ZMPSTE24: variants seen among roughly 807,000 people sequenced by gnomAD.
The protein encoded by ZMPSTE24 is CAAX prenyl protease 1 homolog.
In ZMPSTE24, 48 loss-of-function variants were observed where a neutral mutation model predicts 56.7. That is an observed-to-expected ratio of 0.85 (90% confidence interval 0.67 to 1.08). The LOEUF is 1.08. Ranked by LOEUF, ZMPSTE24 falls within the 50% of genes least tolerant of loss-of-function variation. The pLI is 0.00. For missense variants in ZMPSTE24, 503 were observed against 548.7 expected (o/e 0.92, Z 0.83); for synonymous variants, 172 against 195.2 (o/e 0.88, Z 0.99).
chr1:40,283,981 C>T (rs1195456355), intron 7 of ZMPSTE24, among the ~76,000 whole-genome samples: 4 of 150,338 alleles, frequency 2.7e-5, no homozygotes, highest in South Asian at 2.1e-4. Flanking sequence ...CCCTCTCGCC[C>T]AGGCTGGAGT....
intron 6 of ZMPSTE24, among the ~76,000 whole-genome samples, chr1:40,280,240 A>G (rs566422865): frequency 6.6e-6 from 1 of 152,104 alleles, no homozygotes; most frequent in Non-Finnish European, 1.5e-5. Flanking sequence ...TCAACTTCCG[A>G]TGGCCTGCCA....
chr1:40,285,500 A>C (rs1643777773), intron 7 of ZMPSTE24, among the ~76,000 whole-genome samples: 1 of 152,242 alleles, frequency 6.6e-6, no homozygotes, highest in Admixed American at 6.5e-5. Flanking sequence ...TCGGTTTCCC[A>C]AAGTGTTGAG....
At chr1:40,280,379 C>T (rs143825774) in intron 6 of ZMPSTE24, among the ~76,000 whole-genome samples, 6,894 of 152,062 alleles carry the variant, frequency 0.045, 503 homozygotes, top group African/African-American at 0.16. Context: ...TGCTGCTTTA[C>T]GACCCATTTT....
At chr1:40,284,302 C>G (rs1291816557) in intron 7 of ZMPSTE24, among the ~76,000 whole-genome samples, 1 of 151,772 alleles carries the variant, frequency 6.6e-6, no homozygotes, top group African/African-American at 2.4e-5. Context: ...CAATTTACAG[C>G]ATTTCGTTAC....
chr1:40,278,720 T>A (rs577655494), intron 6 of ZMPSTE24, among the ~76,000 whole-genome samples: 9 of 152,168 alleles, frequency 5.9e-5, no homozygotes, highest in Non-Finnish European at 1.2e-4. Context: ...AGAGCCAAGA[T>A]TTGAACCCAA....
rs988908918 is a variant in ZMPSTE24, at chr1:40,268,401, G to A, written c.358-18G>A. On this transcript the variant is annotated intron_variant, in intron 3 of 9. Coordinates refer to ENST00000372759, the MANE Select transcript of ZMPSTE24 (RefSeq NM_005857.5). ...AGTAGTTCATAAAAACTGGATTTTT[G>A]TTTTTTCTTTTGTTTAGATCACTCA... The A allele has an allele frequency of 8.8e-6, 14 of 1,584,280 alleles. No individual in the cohort carries two copies. Among genetic ancestry groups the A allele is most frequent in the Non-Finnish European group, 1.2e-5 (14 of 1,157,418 alleles).
intron 2 of ZMPSTE24, among the ~76,000 whole-genome samples, chr1:40,266,761 GTTT>G (rs3075102): frequency 1.1e-5 from 1 of 88,114 alleles, no homozygotes. Context: ...TTTCGAACAA[GTTT>G]TTTTTTTTTT....
At chr1:40,282,599 C>T (rs988942025) in intron 7 of ZMPSTE24, among the ~76,000 whole-genome samples, 1 of 152,232 alleles carries the variant, frequency 6.6e-6, no homozygotes, top group Non-Finnish European at 1.5e-5. Context: ...GCCTTGGCCT[C>T]CCAAAGTGCT....
chr1:40,284,081 G>A (rs1643758473), intron 7 of ZMPSTE24, among the ~76,000 whole-genome samples: 2 of 147,550 alleles, frequency 1.4e-5, no homozygotes. Context: ...GATTACAGGT[G>A]TGCACCAGCA....
At position 40,277,208 on chromosome 1, in the gene ZMPSTE24, C is replaced by T. The variant is rs1248513334; in HGVS notation, c.770-4135C>T. 2.6e-5 allele frequency among the ~76,000 whole-genome samples: 4 copies of T among 151,950 alleles called. No homozygotes were observed. In the East Asian group the frequency reaches 5.8e-4, roughly 22 times the overall value. ...TCACACCATTCTCCTGCCTCAGCCT[C>T]CTGAGTAGCTGGGACTACAGGCGCC... On this transcript the variant is annotated intron_variant, in intron 6 of 9. Coordinates refer to ENST00000372759, the MANE Select transcript of ZMPSTE24 (RefSeq NM_005857.5).
chr1:40,261,769 G>T (rs1056971257), intron 2 of ZMPSTE24, among the ~76,000 whole-genome samples: 6 of 152,064 alleles, frequency 3.9e-5, no homozygotes, highest in Non-Finnish European at 8.8e-5. Flanking sequence ...GAGTGCAGTC[G>T]CACGATCTTG....
chr1:40,292,862 A>T lies in ZMPSTE24; in HGVS notation c.*193A>T. The T allele has an allele frequency of 1.9e-6, 1 of 519,926 alleles. No homozygotes were observed. Among genetic ancestry groups the T allele is most frequent in the Admixed American group, 3.5e-5 (1 of 28,600 alleles). The allele number at this position is 519,926 out of a possible 1,614,324, so 32.2% of individuals were successfully genotyped here. ...TTCTTAAAACACTGAATGAATTTTGAAGCTTAATGTTTTTAAAGGCATAGT... is the reference window on the plus strand; with the variant it reads ...TTCTTAAAACACTGAATGAATTTTGTAGCTTAATGTTTTTAAAGGCATAGT... On this transcript the variant is annotated 3_prime_UTR_variant, in exon 10 of 10. Coordinates refer to ENST00000372759, the MANE Select transcript of ZMPSTE24 (RefSeq NM_005857.5).
intron 7 of ZMPSTE24, among the ~76,000 whole-genome samples, chr1:40,283,939 C>CTT (rs754673107): frequency 7.5e-5 from 10 of 133,130 alleles, no homozygotes; most frequent in East Asian, 2.1e-4. Flanking sequence ...AACTTTCTTT[C>CTT]TTTTTTTTTT....
chr1:40,259,879 A>G (rs1046736928), intron 1 of ZMPSTE24, among the ~76,000 whole-genome samples: 3 of 152,048 alleles, frequency 2.0e-5, no homozygotes, highest in African/African-American at 7.2e-5. Context: ...GATTACAGGC[A>G]TGAGCCACCG....
rs1288528801 is a variant in ZMPSTE24, at chr1:40,294,178, G to C, written c.*1509G>C. ...AACATTAAACATTGCCAACGCAAAT[G>C]TATGTACTTTGTCTTTAGTTTGATA... On this transcript the variant is annotated 3_prime_UTR_variant, in exon 10 of 10. Coordinates refer to ENST00000372759, the MANE Select transcript of ZMPSTE24 (RefSeq NM_005857.5). 6.6e-6 allele frequency: 1 copy of C among 152,610 alleles called. No individual in the cohort carries two copies. The highest frequency in any genetic ancestry group is 2.4e-5 in the African/African-American group (1 of 41,438). 9.5% of individuals were successfully genotyped at this position (152,610 alleles called of 1,614,324 possible). A position where few individuals can be genotyped will look rare whatever the true frequency, so the allele number is the denominator to read the frequency against.
intron 4 of ZMPSTE24, among the ~76,000 whole-genome samples, chr1:40,268,751 C>T (rs1044747403): frequency 4.0e-5 from 6 of 151,740 alleles, no homozygotes; most frequent in Admixed American, 2.0e-4. Context: ...GCTACATGTT[C>T]GAGGCCAACC....
At chr1:40,273,537 A>AAAT (rs1224234676) in intron 6 of ZMPSTE24, among the ~76,000 whole-genome samples, 174 of 12,402 alleles carry the variant, frequency 0.014, 13 homozygotes, top group Non-Finnish European at 0.031. Context: ...AAAAAAAAAA[A>AAAT]ATATATATAT....
chr1:40,292,771 A>G lies in ZMPSTE24; in HGVS notation c.*102A>G. The G allele has an allele frequency of 3.0e-6, 3 of 990,372 alleles. No individual in the cohort carries two copies. Among genetic ancestry groups the G allele is most frequent in the Non-Finnish European group, 4.6e-6 (3 of 647,366 alleles). 61.3% of individuals were successfully genotyped at this position (990,372 alleles called of 1,614,324 possible). ...AAACTTTTTTTTAGAAGAAAAATTA[A>G]GTACAGAAAAGCCCAGATTTAAATA... On this transcript the variant is annotated 3_prime_UTR_variant, in exon 10 of 10. Transcript: ENST00000372759.
Position 40,292,531 on chromosome 1 carries a change from C to A in ZMPSTE24, c.1290C>A (p.Asp430Glu). Residue 430 changes from aspartate (D) to glutamate (E), a missense_variant, in exon 10 of 10, where the codon GAC (aspartate) becomes GAA (glutamate). Physicochemically the swap from Asp to Glu is conservative, Grantham distance 45. Transcript: ENST00000372759. ...AFAKKLGKAK[D>E]LYSALIKLNK... ...CCAAGAAACTTGGGAAGGCTAAAGA[C>A]TTATATTCTGCTTTAATCAAACTTA... 6.2e-7 allele frequency: 1 copy of A among 1,614,164 alleles called. No individual in the cohort carries two copies. Among genetic ancestry groups the A allele is most frequent in the Non-Finnish European group, 8.5e-7 (1 of 1,180,018 alleles).
Sources: gnomAD v4.1 joint callset for allele counts (sites outside exome capture counted in the v4.1 genomes callset) on GRCh38, gnomAD v4.1.1 for gene constraint, MANE v1.5 for transcripts, NCBI Gene and HGNC (gene_info 2026-07-23, HGNC 2026-07-21) for gene names.